Variants in RBM19 observed in about 807,000 individuals in gnomAD.
RBM19 encodes the protein RNA binding motif protein 19.
In RBM19, 94 loss-of-function variants were observed where a neutral mutation model predicts 116.8. The ratio of observed to expected loss-of-function variants is 0.80; its 90% CI spans 0.68 to 0.95. The LOEUF is 0.95. RBM19 is among the 40% of genes least tolerant of loss of function. The probability of loss-of-function intolerance (pLI) is 0.00; values close to 1 mark genes in which losing one functional copy is unlikely to be tolerated. For missense variants in RBM19, 1,161 were observed against 1,220.7 expected, an observed-to-expected ratio of 0.95 and a Z score of 0.73; for synonymous variants, 475 against 494.1, an observed-to-expected ratio of 0.96 and a Z score of 0.51.
At chr12:113,948,145 T>C (rs998820229) in intron 10 of RBM19, among the ~76,000 whole-genome samples, 1 of 152,172 alleles carries the variant, frequency 6.6e-6, no homozygotes, top group East Asian at 1.9e-4. Flanking sequence ...GTGTTCAACC[T>C]ACATCTCCAA....
intron 21 of RBM19, among the ~76,000 whole-genome samples, chr12:113,888,580 A>T (rs918234955): frequency 6.6e-6 from 1 of 152,120 alleles, no homozygotes; most frequent in African/African-American, 2.4e-5. Flanking sequence ...TCTTAAGAGA[A>T]ACATGTGAGA....
At chr12:113,905,901 T>C (rs1030220512) in intron 21 of RBM19, among the ~76,000 whole-genome samples, 4 of 152,264 alleles carry the variant, frequency 2.6e-5, no homozygotes, top group Admixed American at 6.5e-5. Context: ...ATTAGAACCA[T>C]AATACAGTAA....
At chr12:113,944,728 G>A (rs1219644621) in intron 13 of RBM19, among the ~76,000 whole-genome samples, 1 of 151,958 alleles carries the variant, frequency 6.6e-6, no homozygotes, top group Admixed American at 6.6e-5. Context: ...AAGAATTTGG[G>A]AGGCTGCAGT....
Position 113,950,172 on chromosome 12 carries a change from CAG to C in RBM19, c.1001-20_1001-19del, listed in dbSNP as rs749174907. ...GATGTATCCTGACAGAGGACAATGA[CAG>C]AGGTAAAATCTGCAGGCCTTGCAGA... On this transcript the variant is annotated intron_variant, in intron 8 of 23. Transcript: ENST00000261741. The C allele has an allele frequency of 1.3e-6, 2 of 1,587,494 alleles. No homozygotes were observed. The highest frequency in any genetic ancestry group is 1.7e-6 in the Non-Finnish European group (2 of 1,156,580).
intron 11 of RBM19, 36 bp from the exon 12 acceptor site, chr12:113,946,511 C>G (rs375945351): frequency 4.3e-6 from 7 of 1,613,402 alleles, no homozygotes; most frequent in Non-Finnish European, 5.9e-6. Context: ...TAAACAGAAG[C>G]CTTGCCTGTA....
chr12:113,823,833 C>CA (rs1874629587), intron 23 of RBM19, among the ~76,000 whole-genome samples: 1 of 152,084 alleles, frequency 6.6e-6, no homozygotes, highest in Non-Finnish European at 1.5e-5. Context: ...GCTGGGGAGA[C>CA]AAGTAGAAGT....
chr12:113,948,849 C>T lies in RBM19; in HGVS notation c.1260G>A (p.Lys420=). The change falls in exon 10 of 24, where the codon AAG becomes AAA. Residue 420 remains lysine, a synonymous_variant. Transcript: ENST00000261741. ...PYTSTEEDLE[K]LFSKYGPLSE... ...CACCCCTACCATATTTGGAGAAGAG[C>T]TTCTCCAGATCCTCCTCGGTGCTGG... 6.2e-7 allele frequency: 1 copy of T among 1,614,184 alleles called. No individual in the cohort carries two copies. Among genetic ancestry groups the T allele is most frequent in the Non-Finnish European group, 8.5e-7 (1 of 1,180,022 alleles).
chr12:113,932,026 C>A (rs997982003), intron 16 of RBM19, among the ~76,000 whole-genome samples: 2 of 152,046 alleles, frequency 1.3e-5, no homozygotes, highest in African/African-American at 4.8e-5. Flanking sequence ...TACTTGTGGG[C>A]GATGAGTCTG....
chr12:113,958,713 G>T (rs73401078), intron 5 of RBM19, among the ~76,000 whole-genome samples: 22,073 of 152,078 alleles, frequency 0.15, 1,817 homozygotes, highest in East Asian at 0.29. Flanking sequence ...ACCCTCCTGT[G>T]TTGCAACTGT....
At chr12:113,935,763 G>A (rs369096220) in intron 16 of RBM19, among the ~76,000 whole-genome samples, 1 of 152,196 alleles carries the variant, frequency 6.6e-6, no homozygotes, top group Non-Finnish European at 1.5e-5. Flanking sequence ...ACTGGGCGTG[G>A]TGGCTTATGC....
chr12:113,828,406 G>A (rs1875067511), intron 23 of RBM19, among the ~76,000 whole-genome samples: 1 of 152,084 alleles, frequency 6.6e-6, no homozygotes, highest in Non-Finnish European at 1.5e-5. Flanking sequence ...TCCTGTTCCT[G>A]GAGGCTCCTG....
chr12:113,875,859 G>A (rs1057140585), intron 21 of RBM19, among the ~76,000 whole-genome samples: 4 of 152,138 alleles, frequency 2.6e-5, no homozygotes, highest in African/African-American at 9.7e-5. Context: ...CTGCCTCTCT[G>A]TGCACACACA....
At chr12:113,949,102 G>T in intron 9 of RBM19, 66 bp from the exon 10 acceptor site, 2 of 1,383,466 alleles carry the variant, frequency 1.4e-6, no homozygotes, top group South Asian at 2.5e-5. Flanking sequence ...CCTTGCTGGT[G>T]ACTCCAAACT....
chr12:113,940,131 A>T lies in RBM19; in HGVS notation c.1767T>A (p.Ile589=), dbSNP rs754580543. The T allele has an allele frequency of 3.1e-6, 5 of 1,613,980 alleles. No individual in the cohort carries two copies. Among genetic ancestry groups the T allele is most frequent in the Non-Finnish European group, 4.2e-6 (5 of 1,180,000 alleles). The change falls in exon 15 of 24, where the codon ATT becomes ATA. Residue 589 remains isoleucine (I), a synonymous_variant. Coordinates refer to ENST00000261741, the MANE Select transcript of RBM19 (RefSeq NM_016196.4). The part of the protein sequence containing the change: ...QAAAERSKTV[I]LVKNLPAGTL... ...TGCCTGCCGGGAGGTTCTTGACCAGAATCACAGTCTTGCTTCGCTCTGCTG... is the reference window on the plus strand; with the variant it reads ...TGCCTGCCGGGAGGTTCTTGACCAGTATCACAGTCTTGCTTCGCTCTGCTG...
chr12:113,900,314 G>C (rs1031067831), intron 21 of RBM19, among the ~76,000 whole-genome samples: 6 of 152,246 alleles, frequency 3.9e-5, no homozygotes, highest in Non-Finnish European at 8.8e-5. Flanking sequence ...CCTCATGGCA[G>C]ATAAATGACA....
chr12:113,883,261 T>G lies in RBM19; in HGVS notation c.2559-24365A>C, dbSNP rs540966588. Among the ~76,000 whole-genome samples the G allele has an allele frequency of 1.1e-4, 17 of 152,346 alleles. No homozygotes were observed. The South Asian group carries it at 3.5e-3, about 32-fold the overall frequency. The stretch of plus-strand genomic sequence containing the variant: ...GTGAACAGACTGATTGCAGGTGGTG[T>G]TCTGGACAACGCAGCCTGGGCTGGG... On this transcript the variant is annotated intron_variant, in intron 21 of 23. Coordinates refer to ENST00000261741, the MANE Select transcript of RBM19 (RefSeq NM_016196.4).
chr12:113,862,285 A>G (rs887469386), intron 21 of RBM19, among the ~76,000 whole-genome samples: 3 of 152,206 alleles, frequency 2.0e-5, no homozygotes, highest in African/African-American at 7.2e-5. Flanking sequence ...CCCATGTCTC[A>G]TGGCCCCAGG....
chr12:113,903,031 T>A lies in RBM19; in HGVS notation c.2558+11938A>T, dbSNP rs1881803607. On this transcript the variant is annotated intron_variant, in intron 21 of 23. Transcript: ENST00000261741. The surrounding 1 kb of genome is among the most constrained non-coding windows in gnomAD (Gnocchi z 5.1). ...AGATTTTCATTACCTCACACAGAAG[T>A]CCTGTACCCTCTATCCAGTAACTCC... 1.3e-5 allele frequency among the ~76,000 whole-genome samples: 2 copies of A among 152,140 alleles called. No individual in the cohort carries two copies. The highest frequency in any genetic ancestry group is 1.9e-4 in the East Asian group (1 of 5,196).
chr12:113,844,843 C>T, intron 22 of RBM19, 55 bp from the exon 23 acceptor site: 2 of 1,514,222 alleles, frequency 1.3e-6, no homozygotes, highest in East Asian at 4.9e-5. Context: ...GCGGCAGACA[C>T]TCCACTCTGC....
Sources: allele counts gnomAD v4.1 joint callset (sites outside exome capture counted in the v4.1 genomes callset), GRCh38; gene constraint gnomAD v4.1.1; non-coding constraint Gnocchi (gnomAD v3.1); transcripts MANE v1.5; gene names NCBI Gene and HGNC (gene_info 2026-07-23, HGNC 2026-07-21).